The following SHROOM2 variants were observed in gnomAD, a reference collection of about 807,000 sequenced individuals.
The protein encoded by SHROOM2 is shroom family member 2, also known as protein Shroom2.
SHROOM2 carries 33 observed loss-of-function variants against 75.9 expected under a neutral mutation model. That is an observed-to-expected ratio of 0.43 (90% confidence interval 0.33 to 0.58). The LOEUF is 0.58. SHROOM2 is among the 20% of genes least tolerant of loss of function. SHROOM2 has a pLI of 0.04. For missense variants in SHROOM2, 1,434 were observed against 1,461.2 expected, an observed-to-expected ratio of 0.98 and a Z score of 0.30; for synonymous variants, 655 against 663.6, an observed-to-expected ratio of 0.99 and a Z score of 0.20.
At chrX:9,792,108 ATAG>A (rs2083662619) in intron 1 of SHROOM2, among the ~76,000 whole-genome samples, 3 of 18,611 alleles carry the variant, frequency 1.6e-4, no homozygotes, top group Admixed American at 1.1e-3. Flanking sequence ...ATAGAATAGA[ATAG>A]AATAGAATAG....
chrX:9,819,356 C>A, intron 1 of SHROOM2: 1 of 486,416 alleles, frequency 2.1e-6, no homozygotes, highest in South Asian at 3.0e-5. Flanking sequence ...CAGTGTCAGT[C>A]ATGTTGACTA....
At chrX:9,879,312 G>A (rs1265942521) in intron 2 of SHROOM2, among the ~76,000 whole-genome samples, 7 of 111,665 alleles carry the variant, frequency 6.3e-5, no homozygotes, top group African/African-American at 2.3e-4. Flanking sequence ...TGTTGCTGGA[G>A]TGCAGTGGCA....
chrX:9,850,502 C>A (rs2084032457), intron 1 of SHROOM2, among the ~76,000 whole-genome samples: 1 of 111,262 alleles, frequency 9.0e-6, no homozygotes, highest in Non-Finnish European at 1.9e-5. Context: ...TGTTTGGCTT[C>A]CTGGCTCATA....
intron 5 of SHROOM2, among the ~76,000 whole-genome samples, chrX:9,916,095 T>G (rs2084488421): frequency 8.9e-6 from 1 of 112,411 alleles, no homozygotes; most frequent in Non-Finnish European, 1.9e-5. Context: ...TAACATTTCC[T>G]ATTTTAAAAA....
intron 1 of SHROOM2, among the ~76,000 whole-genome samples, chrX:9,871,392 G>C (rs766332662): frequency 2.7e-5 from 3 of 111,467 alleles, no homozygotes; most frequent in East Asian, 5.6e-4. Flanking sequence ...AAGAAACCTG[G>C]GGGGAGGGTT....
chrX:9,896,601 C>T lies in SHROOM2; in HGVS notation c.2693C>T (p.Ala898Val), dbSNP rs147796126. 5.9e-4 allele frequency: 710 copies of T among 1,208,705 alleles called. 7 individuals are homozygous for T. The East Asian group carries it at 0.017, about 29-fold the overall frequency. Residue 898 changes from alanine (A) to valine (V), a missense_variant, in exon 4 of 10, where the codon GCG becomes GTG. Transcript: ENST00000380913. ...EARSSGRCHS[A>V]DDILDVSLDP... ...AGGAGCTCTGGGCGCTGCCACTCAG[C>T]GGATGACATCCTGGATGTGAGCCTG... is the stretch of plus-strand genomic sequence containing the variant.
intron 1 of SHROOM2, among the ~76,000 whole-genome samples, chrX:9,824,761 A>G (rs773735823): frequency 8.9e-6 from 1 of 111,759 alleles, no homozygotes; most frequent in Admixed American, 9.5e-5. Flanking sequence ...ACCGGCACAC[A>G]ACCGTTGTGC....
At chrX:9,855,034 C>T (rs1238881595) in intron 1 of SHROOM2, among the ~76,000 whole-genome samples, 2 of 105,203 alleles carry the variant, frequency 1.9e-5, no homozygotes, top group Non-Finnish European at 3.9e-5. Flanking sequence ...AACTTTGTTA[C>T]TTTAAAAATT....
At chrX:9,875,110 A>AAAAAAAAAAAAAAAAAAAAAAAAAAAG (rs2084192753) in intron 2 of SHROOM2, among the ~76,000 whole-genome samples, 1 of 93,116 alleles carries the variant, frequency 1.1e-5, no homozygotes, top group Non-Finnish European at 2.1e-5. Flanking sequence ...AAAAAAAAAA[A>AAAAAAAAAAAAAAAAAAAAAAAAAAAG]GGGGAGGAAG....
chrX:9,814,663 A>G (rs948165775), intron 1 of SHROOM2, among the ~76,000 whole-genome samples: 4 of 111,386 alleles, frequency 3.6e-5, no homozygotes, highest in African/African-American at 1.3e-4. Context: ...GGAAAGGCTG[A>G]TGGCAGCCAT....
intron 1 of SHROOM2, among the ~76,000 whole-genome samples, chrX:9,872,534 A>T (rs1319671157): frequency 8.9e-6 from 1 of 111,747 alleles, no homozygotes; most frequent in Non-Finnish European, 1.9e-5. Flanking sequence ...ACTGCACTGC[A>T]GCCTGGGTGA....
chrX:9,938,255 A>C, intron 7 of SHROOM2, among the ~76,000 whole-genome samples: 1 of 112,482 alleles, frequency 8.9e-6, no homozygotes, highest in Non-Finnish European at 1.9e-5. Flanking sequence ...GCATTTAAAA[A>C]ATTTATTATA....
chrX:9,828,881 C>G (rs764493837), intron 1 of SHROOM2, among the ~76,000 whole-genome samples: 1 of 112,341 alleles, frequency 8.9e-6, no homozygotes, highest in Non-Finnish European at 1.9e-5. Flanking sequence ...CAGGGTGTAG[C>G]GTAAGGACCA....
At chrX:9,919,445 C>T (rs1343166255) in intron 5 of SHROOM2, among the ~76,000 whole-genome samples, 1 of 101,434 alleles carries the variant, frequency 9.9e-6, no homozygotes, top group Non-Finnish European at 2.0e-5. Context: ...GATTCTCCTG[C>T]CTTAGCCTCC....
At chrX:9,943,739 A>G (rs187369150) in intron 8 of SHROOM2, among the ~76,000 whole-genome samples, 35 of 112,444 alleles carry the variant, frequency 3.1e-4, no homozygotes, top group African/African-American at 9.3e-4. Flanking sequence ...GAAAACAGTC[A>G]TCTGTTTGCA....
chrX:9,819,263 C>T, intron 1 of SHROOM2: 2 of 706,737 alleles, frequency 2.8e-6, no homozygotes, highest in Admixed American at 2.8e-5. Flanking sequence ...GCTTATTGGC[C>T]TCCTGAGATC....
intron 2 of SHROOM2, among the ~76,000 whole-genome samples, chrX:9,884,988 T>C (rs2084252976): frequency 9.0e-6 from 1 of 111,663 alleles, no homozygotes; most frequent in African/African-American, 3.3e-5. Context: ...GGTGGGAGGA[T>C]TGCTTGAGCC....
chrX:9,858,368 T>G (rs1395972941), intron 1 of SHROOM2, among the ~76,000 whole-genome samples: 1 of 112,699 alleles, frequency 8.9e-6, no homozygotes, highest in East Asian at 2.8e-4. Context: ...TTTGTTCTAA[T>G]GGCCAGCAGT....
At chrX:9,827,990 T>C (rs998406665) in intron 1 of SHROOM2, among the ~76,000 whole-genome samples, 1 of 112,156 alleles carries the variant, frequency 8.9e-6, no homozygotes, top group Admixed American at 9.4e-5. Context: ...TCCTGCCCTT[T>C]AAGGGCAGGG....
Sources: gnomAD v4.1 joint callset for allele counts (sites outside exome capture counted in the v4.1 genomes callset) on GRCh38, gnomAD v4.1.1 for gene constraint, MANE v1.5 for transcripts, NCBI Gene and HGNC (gene_info 2026-07-23, HGNC 2026-07-21) for gene names.